Variants in KIAA0232 observed in about 807,000 individuals in gnomAD.
KIAA0232 encodes uncharacterized protein KIAA0232.
A neutral mutation model predicts 122.0 loss-of-function variants in KIAA0232; 27 were observed. That is an observed-to-expected ratio of 0.22 (90% CI 0.16 to 0.31). KIAA0232 has a LOEUF of 0.31. Ranked by LOEUF, KIAA0232 falls within the 10% of genes least tolerant of loss-of-function variation. The probability of loss-of-function intolerance (pLI) is 1.00; values close to 1 mark genes in which losing one functional copy is unlikely to be tolerated. For synonymous variants in KIAA0232, 613 were observed against 587.6 expected (o/e 1.04, Z -0.63); for missense variants, 1,551 against 1,634.2 (o/e 0.95, Z 0.88).
chr4:6,801,504 T>G (rs1717381897), intron 1 of KIAA0232, among the ~76,000 whole-genome samples: 1 of 151,996 alleles, frequency 6.6e-6, no homozygotes, highest in Non-Finnish European at 1.5e-5. Flanking sequence ...GCCTGAGCAA[T>G]GTAGTGCGAC....
intron 5 of KIAA0232, 48 bp downstream of exon 5, chr4:6,857,278 A>C: frequency 6.7e-7 from 1 of 1,488,378 alleles, no homozygotes; most frequent in Non-Finnish European, 9.2e-7. Flanking sequence ...TACATCCCTG[A>C]GGAATCTGGA....
intron 2 of KIAA0232, among the ~76,000 whole-genome samples, chr4:6,809,815 A>C (rs952015544): frequency 3.3e-5 from 5 of 152,154 alleles, no homozygotes; most frequent in African/African-American, 9.7e-5. Context: ...GAAATCAAGA[A>C]GGAAGTACCA....
chr4:6,817,102 CTTCT>C (rs1400043174), intron 2 of KIAA0232, among the ~76,000 whole-genome samples: 1 of 152,080 alleles, frequency 6.6e-6, no homozygotes, highest in Non-Finnish European at 1.5e-5. Context: ...TTCGTTTGCT[CTTCT>C]TTGTCTAGTT....
intron 2 of KIAA0232, among the ~76,000 whole-genome samples, chr4:6,813,394 GCT>G (rs1334388154): frequency 3.4e-5 from 5 of 148,854 alleles, no homozygotes; most frequent in Admixed American, 6.7e-5. Context: ...ACGGAGTCTC[GCT>G]CTGTTGCCCA....
At chr4:6,872,840 C>T (rs893711140) in intron 8 of KIAA0232, among the ~76,000 whole-genome samples, 1 of 152,224 alleles carries the variant, frequency 6.6e-6, no homozygotes, top group Admixed American at 6.5e-5. Context: ...TGGCATCCCT[C>T]GGCAGCATGG....
intron 3 of KIAA0232, among the ~76,000 whole-genome samples, chr4:6,838,885 C>G (rs1719492391): frequency 6.6e-6 from 1 of 152,054 alleles, no homozygotes; most frequent in Non-Finnish European, 1.5e-5. Flanking sequence ...TCCTAGCACT[C>G]TGGGAGGCCG....
intron 2 of KIAA0232, among the ~76,000 whole-genome samples, chr4:6,813,563 C>T (rs375573141): frequency 1.3e-5 from 2 of 151,788 alleles, no homozygotes; most frequent in Admixed American, 6.6e-5. Flanking sequence ...GGGGTTTCAC[C>T]GTGTTAGCCA....
chr4:6,802,758 G>A (rs1366047360), intron 1 of KIAA0232, among the ~76,000 whole-genome samples: 1 of 152,096 alleles, frequency 6.6e-6, no homozygotes, highest in African/African-American at 2.4e-5. Context: ...GCAAGGTGTG[G>A]TATGTTGGTG....
Position 6,864,155 on chromosome 4 carries a change from A to G in KIAA0232, c.3773A>G (p.Asn1258Ser), listed in dbSNP as rs1208796682. The G allele has an allele frequency of 6.2e-7, 1 of 1,613,278 alleles. No individual in the cohort carries two copies. Among genetic ancestry groups the G allele is most frequent in the Non-Finnish European group, 8.5e-7 (1 of 1,179,514 alleles). ...TGTCAGTTTCCTGCTTATGAAGATA[A>G]TCCAGTTTCTTCGGGACAGCTGGAA... ...AGCQFPAYED[N>S]PVSSGQLEEF... Residue 1258 changes from asparagine (N) to serine (S), a missense_variant, in exon 7 of 10, where the codon AAT becomes AGT. By Grantham distance (46) the Asn-to-Ser change is conservative. Transcript: ENST00000307659.
intron 3 of KIAA0232, among the ~76,000 whole-genome samples, chr4:6,830,403 C>CTTTTTTTT (rs10714574): frequency 1.9e-4 from 14 of 75,542 alleles, no homozygotes; most frequent in African/African-American, 3.3e-4. Context: ...TCTCTGTTGT[C>CTTTTTTTT]TTTTTTTTTT....
intron 8 of KIAA0232, among the ~76,000 whole-genome samples, chr4:6,873,173 G>A (rs1721584223): frequency 6.6e-6 from 1 of 152,126 alleles, no homozygotes. Context: ...GATGCCCCCC[G>A]CTAGTTTTCA....
chr4:6,824,893 T>C (rs1223921151), intron 3 of KIAA0232, among the ~76,000 whole-genome samples: 1 of 152,214 alleles, frequency 6.6e-6, no homozygotes. Context: ...ATTTTCTCCA[T>C]AGTTAGACTT....
intron 2 of KIAA0232, among the ~76,000 whole-genome samples, chr4:6,823,362 C>T (rs944689575): frequency 3.9e-5 from 6 of 152,098 alleles, no homozygotes; most frequent in African/African-American, 1.4e-4. Context: ...ACACTGACCT[C>T]CACAATGGTT....
chr4:6,866,451 G>T (rs945420224), intron 7 of KIAA0232, among the ~76,000 whole-genome samples: 1 of 152,200 alleles, frequency 6.6e-6, no homozygotes, highest in Non-Finnish European at 1.5e-5. Context: ...CATCTGAGAT[G>T]TGCAGGAGGC....
intron 2 of KIAA0232, among the ~76,000 whole-genome samples, chr4:6,815,858 T>C (rs1718096787): frequency 6.6e-6 from 1 of 152,190 alleles, no homozygotes; most frequent in Non-Finnish European, 1.5e-5. Flanking sequence ...AGCTTTGAGA[T>C]CATGTGGGCG....
At chr4:6,802,452 T>G (rs931976619) in intron 1 of KIAA0232, among the ~76,000 whole-genome samples, 9 of 152,186 alleles carry the variant, frequency 5.9e-5, no homozygotes, top group African/African-American at 1.9e-4. Flanking sequence ...CTTAGAAATT[T>G]TTTGATTGAT....
At chr4:6,869,640 A>C (rs1315953504) in intron 7 of KIAA0232, among the ~76,000 whole-genome samples, 2 of 152,258 alleles carry the variant, frequency 1.3e-5, no homozygotes, top group Non-Finnish European at 2.9e-5. Flanking sequence ...AGCAAAGGTT[A>C]ACTGACTGCT....
rs758246773 is a variant in KIAA0232, at chr4:6,881,376, G to C, written c.*410G>C. ...GAGACTTCAGCTTTGGAGCATTTAG[G>C]CTTTGTTCTCCAAGAACTGGGATAT... On this transcript the variant is annotated 3_prime_UTR_variant, in exon 10 of 10. Transcript: ENST00000307659. The C allele has an allele frequency of 1.3e-5, 2 of 153,224 alleles. No individual in the cohort carries two copies. Among genetic ancestry groups the C allele is most frequent in the Non-Finnish European group, 2.9e-5 (2 of 68,762 alleles). The allele number at this position is 153,224 out of a possible 1,614,324, so 9.5% of individuals were successfully genotyped here.
intron 1 of KIAA0232, among the ~76,000 whole-genome samples, chr4:6,786,622 T>C (rs993849448): frequency 6.6e-6 from 1 of 152,240 alleles, no homozygotes; most frequent in African/African-American, 2.4e-5. Flanking sequence ...TGAAGTATTT[T>C]TAATAAACAT....
Sources: allele counts gnomAD v4.1 joint callset (sites outside exome capture counted in the v4.1 genomes callset), GRCh38; gene constraint gnomAD v4.1.1; transcripts MANE v1.5; gene names NCBI Gene and HGNC (gene_info 2026-07-23, HGNC 2026-07-21).